The following TDRD9 variants were observed in gnomAD, a reference collection of about 807,000 sequenced individuals.
TDRD9 encodes tudor domain containing 9, also known as ATP-dependent RNA helicase TDRD9.
TDRD9 carries 124 observed loss-of-function variants against 172.6 expected under a neutral mutation model. The observed-to-expected ratio is 0.72, with a 90% confidence interval of 0.62 to 0.83. TDRD9 has a LOEUF of 0.83. Ranked by LOEUF, TDRD9 falls within the 40% of genes least tolerant of loss-of-function variation. The probability of loss-of-function intolerance (pLI) is 0.00; values close to 1 mark genes in which losing one functional copy is unlikely to be tolerated. For synonymous variants in TDRD9, 619 were observed against 617.1 expected, an observed-to-expected ratio of 1.00 and a Z score of -0.05; for missense variants, 1,479 against 1,714.1, an observed-to-expected ratio of 0.86 and a Z score of 2.42.
intron 1 of TDRD9, among the ~76,000 whole-genome samples, chr14:103,931,863 T>C (rs2030409998): frequency 6.6e-6 from 1 of 152,062 alleles, no homozygotes; most frequent in African/African-American, 2.4e-5. Context: ...ATGAGAGATT[T>C]GAAATATCAT....
At chr14:104,040,419 G>T in intron 33 of TDRD9, 85 bp downstream of exon 33, 4 of 1,340,588 alleles carry the variant, frequency 3.0e-6, no homozygotes, top group Non-Finnish European at 3.9e-6. Context: ...GTCTGCTGTG[G>T]AGCTCGCGGT....
intron 7 of TDRD9, among the ~76,000 whole-genome samples, chr14:103,975,982 A>C (rs2033221115): frequency 6.6e-6 from 1 of 152,104 alleles, no homozygotes; most frequent in Admixed American, 6.5e-5. Flanking sequence ...AGGACACTAG[A>C]AGTTATTTCT....
intron 7 of TDRD9, among the ~76,000 whole-genome samples, chr14:103,982,414 TA>T (rs2033509640): frequency 6.6e-6 from 1 of 152,132 alleles, no homozygotes; most frequent in Admixed American, 6.6e-5. Context: ...TCCTTGTCGT[TA>T]GGAGAGCTCT....
Position 103,970,795 on chromosome 14 carries a change from G to A in TDRD9, c.846+174G>A, listed in dbSNP as rs557951448. 4.6e-5 allele frequency among the ~76,000 whole-genome samples: 7 copies of A among 152,324 alleles called. No homozygotes were observed. The East Asian group carries it at 1.2e-3, about 25-fold the overall frequency. On this transcript the variant is annotated intron_variant, in intron 6 of 35. Transcript: ENST00000409874. ...AAATGGCATAGTAAAGTATTTGCAT[G>A]TAGCCTATGCACATCTTCCCATATG...
chr14:103,975,976 C>G (rs115204770), intron 7 of TDRD9, among the ~76,000 whole-genome samples: 4,369 of 152,220 alleles, frequency 0.029, 131 homozygotes, highest in African/African-American at 0.075. Context: ...TTAAAAAGGA[C>G]ACTAGAAGTT....
intron 20 of TDRD9, among the ~76,000 whole-genome samples, chr14:104,014,490 G>A (rs1348862703): frequency 6.6e-6 from 1 of 151,760 alleles, no homozygotes; most frequent in Non-Finnish European, 1.5e-5. Flanking sequence ...CATGTTGCCC[G>A]GGCTGGTTTC....
intron 12 of TDRD9, among the ~76,000 whole-genome samples, chr14:103,996,311 C>T (rs2034057422): frequency 6.6e-6 from 1 of 152,324 alleles, no homozygotes; most frequent in Non-Finnish European, 1.5e-5. Context: ...GCACTGTTCT[C>T]AGTGCTGGCA....
In TDRD9 at chr14:103,991,197, C is replaced by T. The variant is rs377183290; in HGVS notation, c.1153C>T (p.Arg385Ter). ...AWSGAQFVLE[R>*]SSVLVFLPGL... The stretch of plus-strand genomic sequence containing the variant: ...GTCGGGGGCCCAGTTTGTGTTGGAG[C>T]GAAGCAGTGTGTTGGTGTTTTTGCC... Residue 385 changes from arginine to a stop codon, truncating the protein, a stop_gained, in exon 9 of 36, where the codon CGA (arginine) becomes TGA (stop). Coordinates refer to ENST00000409874, the MANE Select transcript of TDRD9 (RefSeq NM_153046.3). LOFTEE classifies it high-confidence loss of function. 16 of 1,613,784 alleles carry T rather than the reference C, an allele frequency of 9.9e-6. No individual in the cohort carries two copies. The highest frequency in any genetic ancestry group is 4.5e-5 in the East Asian group (2 of 44,894).
intron 19 of TDRD9, among the ~76,000 whole-genome samples, 180 bp from the exon 20 acceptor site, chr14:104,008,233 C>T (rs915495030): frequency 3.2e-4 from 48 of 152,088 alleles, no homozygotes; most frequent in African/African-American, 1.0e-3. Context: ...TTGAGTATTA[C>T]GCTCTCTGGC....
intron 7 of TDRD9, among the ~76,000 whole-genome samples, chr14:103,983,937 A>C (rs2033575980): frequency 6.6e-6 from 1 of 152,190 alleles, no homozygotes; most frequent in Non-Finnish European, 1.5e-5. Context: ...GGAGATGAGG[A>C]ACTTGTTGGG....
Position 103,966,767 on chromosome 14 carries a change from T to G in TDRD9, c.701T>G (p.Val234Gly). The G allele has an allele frequency of 6.4e-7, 1 of 1,551,120 alleles. No individual in the cohort carries two copies. Among genetic ancestry groups the G allele is most frequent in the Middle Eastern group, 1.7e-4 (1 of 5,986 alleles). The change falls in exon 5 of 36, where the codon GTC becomes GGC. Residue 234 changes from valine (V) to glycine (G), a missense_variant. By Grantham distance (109) the Val-to-Gly change is moderately radical. This residue lies in a region of TDRD9 where 1,413 missense variants were observed against 1,649.1 expected (regional missense o/e 0.86). Transcript: ENST00000409874. ...AGGCTAATTTATATGACAACTGGAG[T>G]CCTGCTTCAGAAAATAGTTAGTGCC... ...DTRLIYMTTG[V>G]LLQKIVSAKS... is the part of the protein sequence containing the mutation.
At chr14:103,949,835 C>A (rs2031766658) in intron 1 of TDRD9, among the ~76,000 whole-genome samples, 1 of 150,432 alleles carries the variant, frequency 6.6e-6, no homozygotes, top group East Asian at 2.0e-4. Context: ...GCCCGCCCCA[C>A]CACTGCACCT....
chr14:103,960,775 A>AT (rs1459879256), intron 2 of TDRD9, among the ~76,000 whole-genome samples: 3 of 152,300 alleles, frequency 2.0e-5, no homozygotes, highest in South Asian at 2.1e-4. Context: ...GACTTCTGGC[A>AT]TTTTTTCTTG....
rs754899688 is a variant in TDRD9 at position 104,006,726 on chromosome 14, T to G, written c.1943+17T>G. On this transcript the variant is annotated intron_variant, in intron 17 of 35. Transcript: ENST00000409874. ...TGGATATAGGTACTGAACATTCATA[T>G]TTTAAAGTGTCACTGTATTTTAATG... 4.3e-6 allele frequency: 7 copies of G among 1,613,672 alleles called. No individual in the cohort carries two copies. Among genetic ancestry groups the G allele is most frequent in the Middle Eastern group, 1.6e-4 (1 of 6,082 alleles).
Position 104,004,289 on chromosome 14 carries a change from A to T in TDRD9, c.1535A>T (p.Asp512Val). ...RGYCYRLVHK[D>V]FWDNSIPDHV... The stretch of plus-strand genomic sequence containing the variant: ...TACTGTTACCGGCTGGTACACAAGG[A>T]TTTCTGGGACAACTCCATCCCTGAT... The change falls in exon 14 of 36, where the codon GAT (aspartate) becomes GTT (valine). Residue 512 changes from aspartate to valine, a missense_variant. By Grantham distance (152) the Asp-to-Val change is radical (BLOSUM62 -3). This residue lies in a region of TDRD9 where 1,413 missense variants were observed against 1,649.1 expected (regional missense o/e 0.86). Transcript: ENST00000409874. The T allele has an allele frequency of 6.2e-7, 1 of 1,606,214 alleles. No homozygotes were observed. Among genetic ancestry groups the T allele is most frequent in the African/African-American group, 1.3e-5 (1 of 74,978 alleles).
intron 7 of TDRD9, among the ~76,000 whole-genome samples, chr14:103,982,743 A>G (rs2033522581): frequency 6.6e-6 from 1 of 152,108 alleles, no homozygotes. Context: ...CTCTACTAAA[A>G]ATACAAAATT....
chr14:103,986,153 C>A, intron 7 of TDRD9, 64 bp from the exon 8 acceptor site: 3 of 1,202,868 alleles, frequency 2.5e-6, no homozygotes, highest in South Asian at 1.3e-5. Context: ...CAGTCCCATC[C>A]AACGCCAGGT....
chr14:103,963,428 A>G (rs572440261), intron 3 of TDRD9, among the ~76,000 whole-genome samples: 42 of 152,206 alleles, frequency 2.8e-4, no homozygotes, highest in African/African-American at 9.6e-4. Flanking sequence ...ATCTTCTAAC[A>G]TTTAGTTTAT....
rs150215027 is a variant in TDRD9 at position 104,033,679 on chromosome 14, G to A, written c.3510-281G>A. ...GTCTCGAGTGGAGGTGGAGGTTCGG[G>A]CATCCCCAGCGTGTGCGTGGTTCCT... On this transcript the variant is annotated intron_variant, in intron 30 of 35. Transcript: ENST00000409874. 4.3e-3 allele frequency among the ~76,000 whole-genome samples: 658 copies of A among 152,234 alleles called. 7 individuals carry two copies. The highest frequency in any genetic ancestry group is 0.015 in the African/African-American group (634 of 41,532).
Sources: allele counts gnomAD v4.1 joint callset (sites outside exome capture counted in the v4.1 genomes callset), GRCh38; gene constraint gnomAD v4.1.1; regional missense constraint gnomAD v4.1.1; transcripts MANE v1.5; gene names NCBI Gene and HGNC (gene_info 2026-07-23, HGNC 2026-07-21).